Variants in HAUS7 observed in about 807,000 individuals in gnomAD.
HAUS7 encodes the protein HAUS augmin like complex subunit 7.
Under a neutral mutation model 28.4 loss-of-function variants are expected in HAUS7, and 3 were observed. The observed-to-expected ratio is 0.11, with a 90% confidence interval of 0.05 to 0.27. The LOEUF (loss-of-function observed/expected upper bound fraction) is 0.27, where lower values mean the gene tolerates loss of function less well. HAUS7 is among the 10% of genes least tolerant of loss of function. The pLI is 1.00. For missense variants in HAUS7, 284 were observed against 297.3 expected (o/e 0.96, Z 0.33); for synonymous variants, 165 against 132.1 (o/e 1.25, Z -1.71).
Position 153,456,234 on chromosome X carries a change from G to T in HAUS7, c.705+31C>A, listed in dbSNP as rs1320979189. On this transcript the variant is annotated intron_variant, in intron 7 of 9. Coordinates refer to ENST00000370211, the MANE Select transcript of HAUS7 (RefSeq NM_001385482.1). ...TGACAAAGCAGGGCCTTGCCTCCAAGCAACCCCCTCCCAGGAGCTAGCACC... is the reference window on the plus strand; with the variant it reads ...TGACAAAGCAGGGCCTTGCCTCCAATCAACCCCCTCCCAGGAGCTAGCACC... 23 of 1,128,776 alleles carry T rather than the reference G, an allele frequency of 2.0e-5. No individual in the cohort carries two copies. The East Asian group carries it at 6.9e-4, about 34-fold the overall frequency. 93.0% of individuals were successfully genotyped at this position (1,128,776 alleles called of 1,213,427 possible). A position where few individuals can be genotyped will look rare whatever the true frequency, so the allele number is the denominator to read the frequency against.
At position 153,456,657 on chromosome X, in the gene HAUS7, A is replaced by G. The variant is rs782338701; in HGVS notation, c.447-6T>C. ...CCTCGAAGTGCTCCATCAGGCTGCAAAGGCAGCCCCCAGGGCCACACCGTC... is the reference window on the plus strand; with the variant it reads ...CCTCGAAGTGCTCCATCAGGCTGCAGAGGCAGCCCCCAGGGCCACACCGTC... On this transcript the variant is annotated splice_region_variant and splice_polypyrimidine_tract_variant and intron_variant, in intron 5 of 9. Coordinates refer to ENST00000370211, the MANE Select transcript of HAUS7 (RefSeq NM_001385482.1). 1.0e-5 allele frequency: 12 copies of G among 1,166,065 alleles called. No individual in the cohort carries two copies. The highest frequency in any genetic ancestry group is 1.4e-5 in the Non-Finnish European group (12 of 869,917).
At chrX:153,473,235 A>AC (rs1413352867), upstream of HAUS7, among the ~76,000 whole-genome samples, 4 of 111,950 alleles carry the variant, frequency 3.6e-5, no homozygotes, top group Admixed American at 9.4e-5. Context: ...TCAACCAGGG[A>AC]CCCCCCAATC....
At chrX:153,474,729 G>A (rs2089550954), upstream of HAUS7, among the ~76,000 whole-genome samples, 1 of 104,908 alleles carries the variant, frequency 9.5e-6, no homozygotes, top group Admixed American at 9.8e-5. Flanking sequence ...GGGGGCGGGG[G>A]CGGGGGCGCG....
At chrX:153,481,587 T>C (rs1296123860) in intron 1 of HAUS7, 4 of 754,546 alleles carry the variant, frequency 5.3e-6, no homozygotes, top group Middle Eastern at 3.9e-4. Flanking sequence ...CCTGTGGCAA[T>C]GTCAAGATGA....
chrX:153,455,418 T>A, intron 8 of HAUS7, 124 bp downstream of exon 8: 1 of 491,339 alleles, frequency 2.0e-6, no homozygotes, highest in African/African-American at 2.4e-5. Context: ...TCCCAGCCCC[T>A]GGTCCTGCCC....
At chrX:153,449,907 G>C (rs782563291) in intron 9 of HAUS7, among the ~76,000 whole-genome samples, 1 of 112,520 alleles carries the variant, frequency 8.9e-6, no homozygotes, top group South Asian at 3.7e-4. Context: ...TTCGTTTCTA[G>C]TCTCTTTGTG....
At chrX:153,467,750 C>T (rs2089471400) in intron 2 of HAUS7, among the ~76,000 whole-genome samples, 2 of 112,776 alleles carry the variant, frequency 1.8e-5, no homozygotes, top group African/African-American at 6.5e-5. Flanking sequence ...CCCGACTGCA[C>T]GGCCACACCA....
At chrX:153,486,543 C>A in intron 1 of HAUS7, 2 of 727,023 alleles carry the variant, frequency 2.8e-6, no homozygotes, top group Non-Finnish European at 3.8e-6. Context: ...TCTCTCAGGG[C>A]AGGGGTCTCT....
intron 1 of HAUS7, among the ~76,000 whole-genome samples, chrX:153,489,053 G>T (rs1398464991): frequency 1.8e-5 from 2 of 112,844 alleles, no homozygotes; most frequent in Admixed American, 1.9e-4. Flanking sequence ...AAGCTGGGCT[G>T]CAGCCGACCC....
At chrX:153,462,273 G>T in intron 4 of HAUS7, 1 of 678,476 alleles carries the variant, frequency 1.5e-6, no homozygotes, top group Non-Finnish European at 1.8e-6. Flanking sequence ...TGGGAGCCAG[G>T]CGCCGGGATG....
At chrX:153,472,108 C>T (rs2089529521), upstream of HAUS7, among the ~76,000 whole-genome samples, 3 of 111,363 alleles carry the variant, frequency 2.7e-5, no homozygotes, top group South Asian at 1.1e-3. Flanking sequence ...GGCAGTGTGG[C>T]AGCCTCCCCC....
At position 153,447,806 on chromosome X, in the gene HAUS7, AAC is replaced by A; in HGVS notation, c.*70_*71del. On this transcript the variant is annotated 3_prime_UTR_variant, in exon 10 of 10. Transcript: ENST00000370211. ...CTGCCACAATCATCCATCCTCGGCC[AAC>A]TCGATCTTGGGAGAGGGCTTCCTGC... 1 of 882,474 alleles carries A rather than the reference AAC, an allele frequency of 1.1e-6. No homozygotes were observed. Among genetic ancestry groups the A allele is most frequent in the Middle Eastern group, 2.7e-4 (1 of 3,721 alleles). 72.7% of individuals were successfully genotyped at this position (882,474 alleles called of 1,213,427 possible).
At chrX:153,463,520 CCA>C (rs1556983761) in intron 3 of HAUS7, among the ~76,000 whole-genome samples, 1 of 112,077 alleles carries the variant, frequency 8.9e-6, no homozygotes, top group African/African-American at 3.2e-5. Context: ...TGCAAGAGCC[CCA>C]CACCGCTCTC....
At chrX:153,469,116 G>C (rs782188966) in intron 2 of HAUS7, 30 bp downstream of exon 2, 1 of 882,579 alleles carries the variant, frequency 1.1e-6, no homozygotes, top group East Asian at 3.1e-5. Context: ...GCACACCCCA[G>C]GTGGGAAGAG....
At chrX:153,450,871 G>GCCCTCAAGGGGTCA (rs782499843) in intron 9 of HAUS7, among the ~76,000 whole-genome samples, 3 of 112,428 alleles carry the variant, frequency 2.7e-5, no homozygotes, top group Non-Finnish European at 3.8e-5. Context: ...CGAGACCACG[G>GCCCTCAAGGGGTCA]CCCTCAAGGG....
In HAUS7 at chrX:153,454,510, TGGGGAGGGAGGGAGGGAGGGAGGG is replaced by T; in HGVS notation, c.931-26_931-3del. On this transcript the variant is annotated splice_region_variant and splice_polypyrimidine_tract_variant and intron_variant, in intron 8 of 9. Transcript: ENST00000370211. ...AACTGCCATGACCACTTGCAGCAGC[TGGGGAGGGAGGGAGGGAGGGAGGG>T]AGGGAGGGAGGGAGCGAGCAGGCAC... 1 of 132,712 alleles carries T rather than the reference TGGGGAGGGAGGGAGGGAGGGAGGG, an allele frequency of 7.5e-6. No individual in the cohort carries two copies. Among genetic ancestry groups the T allele is most frequent in the Non-Finnish European group, 1.6e-5 (1 of 60,947 alleles). 10.9% of individuals were successfully genotyped at this position (132,712 alleles called of 1,213,427 possible).
chrX:153,451,449 T>C (rs2089238370), intron 9 of HAUS7, among the ~76,000 whole-genome samples: 1 of 112,025 alleles, frequency 8.9e-6, no homozygotes, highest in Admixed American at 9.4e-5. Flanking sequence ...TGCAGTTCAA[T>C]TGGCAAGAAG....
At chrX:153,474,712 C>T (rs1365369534), upstream of HAUS7, among the ~76,000 whole-genome samples, 1 of 14,806 alleles carries the variant, frequency 6.8e-5, no homozygotes, top group South Asian at 3.5e-3. Context: ...GAGGCGGGGG[C>T]GGGGGCGGGG....
At chrX:153,463,774 G>A (rs782653546) in intron 3 of HAUS7, among the ~76,000 whole-genome samples, 22 of 112,769 alleles carry the variant, frequency 2.0e-4, no homozygotes, top group African/African-American at 6.8e-4. Flanking sequence ...GGCCCTGTGC[G>A]CATGCTCTTC....
Sources: gnomAD v4.1 joint callset for allele counts (sites outside exome capture counted in the v4.1 genomes callset) on GRCh38, gnomAD v4.1.1 for gene constraint, MANE v1.5 for transcripts, NCBI Gene and HGNC (gene_info 2026-07-23, HGNC 2026-07-21) for gene names.